Variants in VPS13C observed in about 807,000 individuals in gnomAD.
VPS13C encodes vacuolar protein sorting 13 homolog C.
VPS13C carries 358 observed loss-of-function variants against 456.8 expected under a neutral mutation model. That is an observed-to-expected ratio of 0.78 (90% CI 0.72 to 0.86). The LOEUF is 0.86. Ranked by LOEUF, VPS13C falls within the 40% of genes least tolerant of loss-of-function variation. The pLI is 0.00. For missense variants in VPS13C, 4,818 were observed against 4,385.4 expected (o/e 1.10, Z -2.79); for synonymous variants, 1,578 against 1,486.7 (o/e 1.06, Z -1.41).
rs372794496 is a variant in VPS13C at position 62,010,461 on chromosome 15, A to G, written c.1011+11T>C. ...GCTAATCAAAGCTGGAAATATCCACATGAATCATACCTGAGGTTTGGTCAG... is the reference window on the plus strand; with the variant it reads ...GCTAATCAAAGCTGGAAATATCCACGTGAATCATACCTGAGGTTTGGTCAG... On this transcript the variant is annotated intron_variant, in intron 13 of 84. Transcript: ENST00000644861. 6.4e-5 allele frequency: 102 copies of G among 1,584,510 alleles called. No homozygotes were observed. In the African/African-American group the frequency reaches 1.2e-3, roughly 19 times the overall value.
intron 5 of VPS13C, among the ~76,000 whole-genome samples, chr15:62,033,231 T>C (rs1476405999): frequency 6.6e-6 from 1 of 151,540 alleles, no homozygotes; most frequent in Non-Finnish European, 1.5e-5. Flanking sequence ...AAAAATCAAA[T>C]TGGCAACATG....
chr15:61,977,707 G>T (rs1035344997), intron 23 of VPS13C, among the ~76,000 whole-genome samples: 14 of 151,802 alleles, frequency 9.2e-5, no homozygotes, highest in Non-Finnish European at 1.5e-4. Flanking sequence ...TTCAAATAAG[G>T]TCCCAAAAAC....
intron 55 of VPS13C, among the ~76,000 whole-genome samples, 198 bp from the exon 56 acceptor site, chr15:61,920,845 G>A (rs1039450834): frequency 2.0e-5 from 3 of 152,030 alleles, no homozygotes; most frequent in African/African-American, 7.2e-5. Context: ...CCAAGCATGG[G>A]GAAAAGTTTA....
intron 1 of VPS13C, among the ~76,000 whole-genome samples, chr15:62,050,823 A>T (rs1567151574): frequency 6.6e-6 from 1 of 151,842 alleles, no homozygotes; most frequent in Non-Finnish European, 1.5e-5. Flanking sequence ...AAAAAAAAAA[A>T]AAGTAAATCC....
At chr15:61,869,418 C>G in intron 80 of VPS13C, 82 bp downstream of exon 80, 1 of 1,477,332 alleles carries the variant, frequency 6.8e-7, no homozygotes, top group Non-Finnish European at 9.2e-7. Flanking sequence ...TAGGAGCAGG[C>G]AAATAATCTA....
At chr15:62,005,892 C>T (rs971676614) in intron 15 of VPS13C, among the ~76,000 whole-genome samples, 11 of 150,698 alleles carry the variant, frequency 7.3e-5, no homozygotes, top group East Asian at 2.0e-4. Flanking sequence ...TTAGTAGAGA[C>T]GGGGTTTCAT....
intron 1 of VPS13C, among the ~76,000 whole-genome samples, chr15:62,059,404 T>A (rs1465487160): frequency 6.6e-6 from 1 of 152,226 alleles, no homozygotes; most frequent in Non-Finnish European, 1.5e-5. Context: ...CCAAACCTTT[T>A]GTGGAGTGAG....
At chr15:61,985,032 A>C (rs1463680901) in intron 18 of VPS13C, 33 bp from the exon 19 acceptor site, 1 of 1,335,036 alleles carries the variant, frequency 7.5e-7, no homozygotes, top group African/African-American at 1.5e-5. Flanking sequence ...AAATTGTTAA[A>C]GTTTAAATAA....
In VPS13C at chr15:61,929,511, C is replaced by A; in HGVS notation, c.6276G>T (p.Lys2092Asn). The A allele has an allele frequency of 6.2e-7, 1 of 1,613,984 alleles. No individual in the cohort carries two copies. Among genetic ancestry groups the A allele is most frequent in the Non-Finnish European group, 8.5e-7 (1 of 1,179,930 alleles). The change falls in exon 51 of 85, where the codon AAG becomes AAT. Residue 2092 changes from lysine (K) to asparagine (N), a missense_variant. Around this residue, in one of 3 missense-constraint regions of VPS13C, gnomAD observed 4,552 missense variants for 4,130.6 expected, o/e 1.10. Coordinates refer to ENST00000644861, the MANE Select transcript of VPS13C (RefSeq NM_020821.3). ...ATAAATTCTGCTAACCTTTCTCTAT[C>A]TTGACCTTCCCTGTGGCAGTCTGTC... Reference protein sequence around the residue: ...LPRQTATGKVKIEKDDSVRPN... With the variant: ...LPRQTATGKVNIEKDDSVRPN...
chr15:62,016,818 C>G (rs755721585), intron 9 of VPS13C, among the ~76,000 whole-genome samples: 2 of 152,084 alleles, frequency 1.3e-5, no homozygotes, highest in African/African-American at 4.8e-5. Context: ...AATGGTATTT[C>G]TAGTTCTAGA....
In VPS13C at chr15:61,964,762, T is replaced by A; in HGVS notation, c.3151A>T (p.Ser1051Cys). 1 of 1,612,722 alleles carries A rather than the reference T, an allele frequency of 6.2e-7. No homozygotes were observed. The highest frequency in any genetic ancestry group is 8.5e-7 in the Non-Finnish European group (1 of 1,179,100). Residue 1051 changes from serine (S) to cysteine (C), a missense_variant, in exon 31 of 85, where the codon AGT (serine) becomes TGT (cysteine). Around this residue, in one of 3 missense-constraint regions of VPS13C, gnomAD observed 4,552 missense variants for 4,130.6 expected, o/e 1.10. Coordinates refer to ENST00000644861, the MANE Select transcript of VPS13C (RefSeq NM_020821.3). Reference protein sequence around the residue: ...TIIPSDDQSISVAKEVQISTE... With the variant: ...TIIPSDDQSICVAKEVQISTE... ...GAAATTTGTACCTCCTTAGCAACACTTATGCTTTGATCATCAGATGGAATA... is the reference window on the plus strand; with the variant it reads ...GAAATTTGTACCTCCTTAGCAACACATATGCTTTGATCATCAGATGGAATA...
intron 43 of VPS13C, among the ~76,000 whole-genome samples, chr15:61,946,837 A>T (rs1192079657): frequency 6.6e-6 from 1 of 152,066 alleles, no homozygotes; most frequent in Non-Finnish European, 1.5e-5. Flanking sequence ...AATAACTAAA[A>T]ATAAATGAAC....
chr15:61,999,848 A>C (rs2046540732), intron 16 of VPS13C, among the ~76,000 whole-genome samples: 1 of 151,296 alleles, frequency 6.6e-6, no homozygotes, highest in African/African-American at 2.4e-5. Context: ...GGAGAAAAGA[A>C]AGAAGAGAGG....
At chr15:61,973,326 A>G in intron 26 of VPS13C, 128 bp downstream of exon 26, 1 of 704,672 alleles carries the variant, frequency 1.4e-6, no homozygotes, top group Non-Finnish European at 2.3e-6. Flanking sequence ...CTAATGTAGC[A>G]CAACTAGAAC....
At chr15:61,875,017 A>T in intron 76 of VPS13C, 66 bp from the exon 77 acceptor site, 1 of 1,368,642 alleles carries the variant, frequency 7.3e-7, no homozygotes, top group Middle Eastern at 2.6e-4. Flanking sequence ...TTACTTTAAT[A>T]GTTCAGGGTT....
intron 3 of VPS13C, among the ~76,000 whole-genome samples, chr15:62,036,757 C>T (rs879806273): frequency 2.6e-5 from 4 of 151,850 alleles, no homozygotes; most frequent in Admixed American, 6.6e-5. Flanking sequence ...TAATTATCCC[C>T]CAATCTCTCA....
intron 19 of VPS13C, 102 bp downstream of exon 19, chr15:61,984,755 T>A: frequency 8.4e-7 from 1 of 1,193,724 alleles, no homozygotes; most frequent in South Asian, 1.5e-5. Flanking sequence ...GGAAAAGAAA[T>A]TAAAGAGCTG....
chr15:61,934,226 A>T lies in VPS13C; in HGVS notation c.5861T>A (p.Ile1954Asn). ...SLSIILYNNDINQESGVAFHN... is the reference protein window; with the variant it reads ...SLSIILYNNDNNQESGVAFHN... ...CAGAAATGTATTACATACCTGGTTG[A>T]TATCATTGTTATAAAGGATAATGGA... Residue 1954 changes from isoleucine to asparagine, a missense_variant, in exon 49 of 85, where the codon ATC becomes AAC. Ile to Asn is a moderately radical substitution (Grantham distance 149, BLOSUM62 -3). Coordinates refer to ENST00000644861, the MANE Select transcript of VPS13C (RefSeq NM_020821.3). 1 of 1,571,992 alleles carries T rather than the reference A, an allele frequency of 6.4e-7. No homozygotes were observed. Among genetic ancestry groups the T allele is most frequent in the African/African-American group, 1.4e-5 (1 of 73,758 alleles).
chr15:61,934,143 A>C lies in VPS13C; in HGVS notation c.5868+76T>G. On this transcript the variant is annotated intron_variant, in intron 49 of 84. Coordinates refer to ENST00000644861, the MANE Select transcript of VPS13C (RefSeq NM_020821.3). Reference sequence around the variant, plus strand: ...AATGTTTTAATGAAAAGTCCCACACAAAAAAAAGCCAACACTCTAAAACTG... The same window carrying C: ...AATGTTTTAATGAAAAGTCCCACACCAAAAAAAGCCAACACTCTAAAACTG... 5.4e-6 allele frequency: 5 copies of C among 920,696 alleles called. No individual in the cohort carries two copies. The South Asian group carries it at 1.4e-4, about 25-fold the overall frequency. 57.0% of individuals were successfully genotyped at this position (920,696 alleles called of 1,614,324 possible). A position where few individuals can be genotyped will look rare whatever the true frequency, so the allele number is the denominator to read the frequency against.
Sources: gnomAD v4.1 joint callset for allele counts (sites outside exome capture counted in the v4.1 genomes callset) on GRCh38, gnomAD v4.1.1 for gene constraint, gnomAD v4.1.1 regional missense constraint, MANE v1.5 for transcripts, NCBI Gene and HGNC (gene_info 2026-07-23, HGNC 2026-07-21) for gene names.